The following ACSS3 variants were observed in gnomAD, a reference collection of about 807,000 sequenced individuals.
The protein encoded by ACSS3 is acyl-CoA synthetase short-chain family member 3, mitochondrial.
Under a neutral mutation model 84.2 loss-of-function variants are expected in ACSS3, and 64 were observed. The observed-to-expected ratio is 0.76, with a 90% CI of 0.62 to 0.94. The LOEUF is 0.94. Ranked by LOEUF, ACSS3 falls within the 40% of genes least tolerant of loss-of-function variation. ACSS3 has a pLI of 0.00. For synonymous variants in ACSS3, 317 were observed against 310.1 expected (o/e 1.02, Z -0.23); for missense variants, 815 against 867.6 (o/e 0.94, Z 0.76).
chr12:81,148,288 G>A (rs1330535661), intron 5 of ACSS3, among the ~76,000 whole-genome samples: 1 of 152,042 alleles, frequency 6.6e-6, no homozygotes, highest in Non-Finnish European at 1.5e-5. Context: ...AGTTGTGGCA[G>A]CCAAAACTGC....
intron 10 of ACSS3, among the ~76,000 whole-genome samples, chr12:81,219,147 T>A (rs1285063852): frequency 6.6e-6 from 1 of 152,134 alleles, no homozygotes; most frequent in Non-Finnish European, 1.5e-5. Context: ...AGAATGTGCC[T>A]GGGGCATATA....
In ACSS3 at chr12:81,078,253, G is replaced by C. The variant is rs1422194458; in HGVS notation, c.133G>C (p.Gly45Arg). The C allele has an allele frequency of 1.2e-6, 2 of 1,608,494 alleles. No individual in the cohort carries two copies. The highest frequency in any genetic ancestry group is 1.7e-6 in the Non-Finnish European group (2 of 1,179,168). Residue 45 changes from glycine to arginine, a missense_variant, in exon 1 of 16, where the codon GGT becomes CGT. Physicochemically the swap from Gly to Arg is moderately radical, Grantham distance 125. Coordinates refer to ENST00000548058, the MANE Select transcript of ACSS3 (RefSeq NM_024560.4). Reference sequence around the variant, plus strand: ...TTTAGTGGTCCCGGGCCCGCGGGGCGGTCTCGGGGGCCGGGGATGCAGGGC... The same window carrying C: ...TTTAGTGGTCCCGGGCCCGCGGGGCCGTCTCGGGGGCCGGGGATGCAGGGC... ...RALVVPGPRG[G>R]LGGRGCRALS...
At chr12:81,175,008 T>A in intron 8 of ACSS3, 69 bp downstream of exon 8, 1 of 1,535,402 alleles carries the variant, frequency 6.5e-7, no homozygotes, top group African/African-American at 1.4e-5. Context: ...GAACATTATT[T>A]TTTTTCTGGT....
intron 8 of ACSS3, among the ~76,000 whole-genome samples, chr12:81,186,999 T>C (rs960678207): frequency 5.3e-5 from 8 of 151,754 alleles, no homozygotes; most frequent in African/African-American, 1.7e-4. Context: ...CTGTGGTACA[T>C]ATATGCAATG....
intron 1 of ACSS3, among the ~76,000 whole-genome samples, chr12:81,096,473 T>G (rs948833940): frequency 5.9e-5 from 9 of 152,332 alleles, no homozygotes; most frequent in African/African-American, 2.2e-4. Flanking sequence ...TTTCTTTTTC[T>G]TCTTTTGTTA....
chr12:81,142,205 G>T (rs1318480285), intron 4 of ACSS3, among the ~76,000 whole-genome samples: 1 of 152,116 alleles, frequency 6.6e-6, no homozygotes, highest in Non-Finnish European at 1.5e-5. Context: ...TTCATTGAGT[G>T]TTATATAACT....
intron 1 of ACSS3, among the ~76,000 whole-genome samples, chr12:81,095,448 A>G (rs537057122): frequency 4.6e-5 from 7 of 152,302 alleles, no homozygotes; most frequent in Non-Finnish European, 1.0e-4. Context: ...CTACCTTTTT[A>G]GATTAAACCA....
At chr12:81,196,723 T>G (rs939946230) in intron 8 of ACSS3, among the ~76,000 whole-genome samples, 2 of 151,978 alleles carry the variant, frequency 1.3e-5, no homozygotes, top group South Asian at 4.1e-4. Flanking sequence ...CAGCCTACAA[T>G]CATGGTGGAA....
At chr12:81,230,609 A>G (rs143675832) in intron 11 of ACSS3, among the ~76,000 whole-genome samples, 498 of 151,686 alleles carry the variant, frequency 3.3e-3, no homozygotes, top group African/African-American at 8.9e-3. Context: ...AAGTTTTTAC[A>G]CTGGGTGCTT....
chr12:81,115,965 C>T (rs1267256724), intron 2 of ACSS3, among the ~76,000 whole-genome samples: 1 of 152,010 alleles, frequency 6.6e-6, no homozygotes, highest in Non-Finnish European at 1.5e-5. Flanking sequence ...ATTTAAGGAT[C>T]TATAGAAGAT....
intron 1 of ACSS3, among the ~76,000 whole-genome samples, chr12:81,081,461 G>A (rs1880971224): frequency 6.6e-6 from 1 of 152,126 alleles, no homozygotes; most frequent in South Asian, 2.1e-4. Flanking sequence ...GTCTCTATTA[G>A]AGAGACTTCA....
At chr12:81,174,057 C>T (rs2030288884) in intron 7 of ACSS3, among the ~76,000 whole-genome samples, 1 of 152,028 alleles carries the variant, frequency 6.6e-6, no homozygotes, top group Non-Finnish European at 1.5e-5. Context: ...TGTGGCTTGG[C>T]CAAGATAGGT....
At chr12:81,117,780 C>A (rs1565985004) in intron 2 of ACSS3, among the ~76,000 whole-genome samples, 1 of 152,096 alleles carries the variant, frequency 6.6e-6, no homozygotes, top group Non-Finnish European at 1.5e-5. Context: ...TGAATCGGCA[C>A]CCCATAACAT....
intron 13 of ACSS3, among the ~76,000 whole-genome samples, chr12:81,251,581 C>T (rs780829503): frequency 6.7e-6 from 1 of 148,908 alleles, no homozygotes; most frequent in Non-Finnish European, 1.5e-5. Flanking sequence ...CCTGTAATCC[C>T]AGCACTTTGG....
intron 11 of ACSS3, among the ~76,000 whole-genome samples, chr12:81,226,250 A>G: frequency 6.6e-6 from 1 of 151,884 alleles, no homozygotes; most frequent in East Asian, 1.9e-4. Context: ...TTAAAACTGT[A>G]TTCTAGTGGC....
chr12:81,251,653 G>A (rs980413864), intron 13 of ACSS3, among the ~76,000 whole-genome samples: 1 of 78,416 alleles, frequency 1.3e-5, no homozygotes. Context: ...GGAACATGGC[G>A]AAACCCCATC....
chr12:81,096,685 T>C (rs1882081898), intron 1 of ACSS3, among the ~76,000 whole-genome samples: 1 of 147,798 alleles, frequency 6.8e-6, no homozygotes, highest in Non-Finnish European at 1.5e-5. Flanking sequence ...TATGTTCTCA[T>C]TGTTCTACTT....
At chr12:81,186,881 C>T (rs1431903016) in intron 8 of ACSS3, among the ~76,000 whole-genome samples, 1 of 151,790 alleles carries the variant, frequency 6.6e-6, no homozygotes, top group Non-Finnish European at 1.5e-5. Context: ...GAAATGAAGT[C>T]ACCACCTCAT....
chr12:81,196,498 G>T (rs1171494501), intron 8 of ACSS3, among the ~76,000 whole-genome samples: 3 of 151,696 alleles, frequency 2.0e-5, no homozygotes, highest in African/African-American at 7.3e-5. Context: ...TCTGAATGTG[G>T]CTACTAGAAA....
Sources: gnomAD v4.1 joint callset for allele counts (sites outside exome capture counted in the v4.1 genomes callset) on GRCh38, gnomAD v4.1.1 for gene constraint, MANE v1.5 for transcripts, NCBI Gene and HGNC (gene_info 2026-07-23, HGNC 2026-07-21) for gene names.